The following LRRC4C variants were observed in gnomAD, a reference collection of about 807,000 sequenced individuals.
LRRC4C encodes leucine rich repeat containing 4C, also known as leucine-rich repeat-containing protein 4C.
In LRRC4C, 5 loss-of-function variants were observed where a neutral mutation model predicts 33.6. The ratio of observed to expected loss-of-function variants is 0.15; its 90% confidence interval spans 0.08 to 0.31. The LOEUF (loss-of-function observed/expected upper bound fraction) is 0.31, where lower values mean the gene tolerates loss of function less well. Ranked by LOEUF, LRRC4C falls within the 10% of genes least tolerant of loss-of-function variation. The pLI is 1.00. For synonymous variants in LRRC4C, 329 were observed against 302.0 expected, an observed-to-expected ratio of 1.09 and a Z score of -0.93; for missense variants, 560 against 796.7, an observed-to-expected ratio of 0.70 and a Z score of 3.58.
intron 4 of LRRC4C, among the ~76,000 whole-genome samples, chr11:40,317,906 G>A (rs1194760414): frequency 6.6e-6 from 1 of 152,076 alleles, no homozygotes; most frequent in African/African-American, 2.4e-5. Context: ...CTGGTAGCAA[G>A]GAGTAGACTC....
intron 3 of LRRC4C, among the ~76,000 whole-genome samples, chr11:40,542,748 T>C (rs575503543): frequency 2.0e-5 from 3 of 152,212 alleles, no homozygotes; most frequent in South Asian, 4.1e-4. Context: ...ACATTCTAAA[T>C]GTATAGTCCA....
chr11:40,439,088 C>G (rs975406169), intron 3 of LRRC4C, among the ~76,000 whole-genome samples: 2 of 144,506 alleles, frequency 1.4e-5, no homozygotes, highest in Non-Finnish European at 3.0e-5. Flanking sequence ...CTGCCACCAC[C>G]CCCAGCTAAT....
intron 2 of LRRC4C, among the ~76,000 whole-genome samples, chr11:40,654,281 G>A (rs191672222): frequency 6.6e-6 from 1 of 152,282 alleles, no homozygotes; most frequent in East Asian, 1.9e-4. Flanking sequence ...TTTGCACTGT[G>A]TGCTGGGAAA....
chr11:41,276,640 C>T (rs574881670), intron 1 of LRRC4C, among the ~76,000 whole-genome samples: 3 of 152,174 alleles, frequency 2.0e-5, no homozygotes, highest in African/African-American at 7.2e-5. Context: ...ATATCCTGCT[C>T]CCTGGAAGCT....
chr11:40,955,855 C>T (rs1467191993), intron 1 of LRRC4C, among the ~76,000 whole-genome samples: 2 of 151,804 alleles, frequency 1.3e-5, no homozygotes, highest in Non-Finnish European at 2.9e-5. Context: ...TTCTGCTTCA[C>T]CATAGAAAAA....
At chr11:40,772,006 C>A (rs118013914) in intron 2 of LRRC4C, among the ~76,000 whole-genome samples, 1,784 of 152,304 alleles carry the variant, frequency 0.012, 17 homozygotes, top group Middle Eastern at 0.048. Context: ...TCCAAAGTCG[C>A]TTCCACATGT....
chr11:40,917,917 C>CA (rs34176892), intron 2 of LRRC4C, among the ~76,000 whole-genome samples: 1 of 151,954 alleles, frequency 6.6e-6, no homozygotes, highest in African/African-American at 2.4e-5. Flanking sequence ...ATTGCAATAA[C>CA]AAAAAACAGT....
At chr11:40,712,193 A>T (rs898012640) in intron 2 of LRRC4C, among the ~76,000 whole-genome samples, 1 of 152,186 alleles carries the variant, frequency 6.6e-6, no homozygotes, top group Non-Finnish European at 1.5e-5. Context: ...GCTTTAAGTA[A>T]TAGGTATCTT....
At chr11:40,594,098 C>A (rs1172177311) in intron 3 of LRRC4C, among the ~76,000 whole-genome samples, 1 of 152,186 alleles carries the variant, frequency 6.6e-6, no homozygotes, top group Admixed American at 6.5e-5. Context: ...TCCAACTCTC[C>A]TTAGCTCTCC....
At chr11:41,213,642 A>G (rs1265692858) in intron 1 of LRRC4C, among the ~76,000 whole-genome samples, 1 of 152,214 alleles carries the variant, frequency 6.6e-6, no homozygotes, top group Non-Finnish European at 1.5e-5. Context: ...ACAAGATTAA[A>G]TCATAACAGA....
chr11:40,192,166 T>C (rs958125790), intron 5 of LRRC4C, among the ~76,000 whole-genome samples: 5 of 152,062 alleles, frequency 3.3e-5, no homozygotes, highest in African/African-American at 9.7e-5. Flanking sequence ...AAGATTTCCT[T>C]GATTCCCGGG....
intron 4 of LRRC4C, among the ~76,000 whole-genome samples, chr11:40,305,996 C>T (rs1210960965): frequency 6.6e-6 from 1 of 152,138 alleles, no homozygotes; most frequent in Non-Finnish European, 1.5e-5. Flanking sequence ...TTTTGGCTCT[C>T]CCTTAATAAT....
At chr11:40,141,604 A>T (rs568504390) in intron 5 of LRRC4C, among the ~76,000 whole-genome samples, 1 of 152,226 alleles carries the variant, frequency 6.6e-6, no homozygotes, top group Non-Finnish European at 1.5e-5. Flanking sequence ...AGATAGAAAG[A>T]TCCCTCACAA....
At chr11:40,384,965 A>C (rs958376470) in intron 3 of LRRC4C, among the ~76,000 whole-genome samples, 2 of 152,180 alleles carry the variant, frequency 1.3e-5, no homozygotes, top group African/African-American at 4.8e-5. Context: ...TTTTTACTAC[A>C]TTATTTTGCA....
intron 3 of LRRC4C, among the ~76,000 whole-genome samples, chr11:40,441,043 A>T (rs1590745163): frequency 6.6e-6 from 1 of 152,148 alleles, no homozygotes; most frequent in Non-Finnish European, 1.5e-5. Context: ...GCAGGGTTCA[A>T]CTTGATAACT....
chr11:40,176,413 A>T (rs2135476799), intron 5 of LRRC4C, among the ~76,000 whole-genome samples: 1 of 152,348 alleles, frequency 6.6e-6, no homozygotes, highest in South Asian at 2.1e-4. Context: ...TTAAGTAAAC[A>T]TTTAAAAAAT....
intron 2 of LRRC4C, among the ~76,000 whole-genome samples, chr11:40,751,742 A>G (rs1948699729): frequency 6.6e-6 from 1 of 152,122 alleles, no homozygotes; most frequent in African/African-American, 2.4e-5. Flanking sequence ...ACAGAAATAG[A>G]AACAAATACA....
intron 3 of LRRC4C, among the ~76,000 whole-genome samples, chr11:40,485,664 C>T (rs774461034): frequency 8.6e-5 from 13 of 151,904 alleles, no homozygotes; most frequent in Admixed American, 2.6e-4. Flanking sequence ...GGTATATACC[C>T]GAAGGAATAT....
chr11:41,360,396 G>C (rs936117103), intron 1 of LRRC4C, among the ~76,000 whole-genome samples: 7 of 151,506 alleles, frequency 4.6e-5, no homozygotes. Flanking sequence ...TGAAAAAAAT[G>C]GAAATGAGAT....
Sources: allele counts gnomAD v4.1 joint callset (sites outside exome capture counted in the v4.1 genomes callset), GRCh38; gene constraint gnomAD v4.1.1; transcripts MANE v1.5; gene names NCBI Gene and HGNC (gene_info 2026-07-23, HGNC 2026-07-21).